The following UBE2W variants were observed in gnomAD, a reference collection of about 807,000 sequenced individuals.
UBE2W encodes the protein ubiquitin conjugating enzyme E2 W.
Under a neutral mutation model 27.2 loss-of-function variants are expected in UBE2W, and 18 were observed. The ratio of observed to expected loss-of-function variants is 0.66; its 90% CI spans 0.46 to 0.98. UBE2W has a LOEUF of 0.98. Among genes scored for constraint, UBE2W ranks in the 50% least tolerant of loss-of-function variants. The pLI is 0.00. For synonymous variants in UBE2W, 53 were observed against 57.2 expected (o/e 0.93, Z 0.33); for missense variants, 90 against 180.2 (o/e 0.50, Z 2.87).
chr8:73,813,083 CAAAAAAA>C (rs56094830), intron 3 of UBE2W, among the ~76,000 whole-genome samples: 10 of 43,462 alleles, frequency 2.3e-4, no homozygotes, highest in Admixed American at 1.4e-3. Context: ...GAAAGTGCCA[CAAAAAAA>C]AAAAAAAAAA....
At chr8:73,826,670 T>A (rs1459354418) in intron 2 of UBE2W, among the ~76,000 whole-genome samples, 1 of 152,140 alleles carries the variant, frequency 6.6e-6, no homozygotes, top group Non-Finnish European at 1.5e-5. Context: ...GAGACAATAT[T>A]TTATAGTGAA....
chr8:73,870,827 G>A (rs200901398), intron 1 of UBE2W, among the ~76,000 whole-genome samples: 2,578 of 97,896 alleles, frequency 0.026, no homozygotes, highest in Middle Eastern at 0.037. Context: ...TGAGTGAAAA[G>A]AAAAAAAAAA....
intron 1 of UBE2W, among the ~76,000 whole-genome samples, chr8:73,840,757 A>T (rs1408078812): frequency 6.6e-6 from 1 of 152,198 alleles, no homozygotes; most frequent in Non-Finnish European, 1.5e-5. Flanking sequence ...CTCAGGTATA[A>T]AATGCTGGCA....
intron 1 of UBE2W, among the ~76,000 whole-genome samples, chr8:73,875,294 T>C (rs1812175434): frequency 6.6e-6 from 1 of 152,128 alleles, no homozygotes; most frequent in South Asian, 2.1e-4. Flanking sequence ...GGGAGTTTCA[T>C]GAGGTGCTGC....
At chr8:73,812,621 A>G (rs1809196242) in intron 3 of UBE2W, among the ~76,000 whole-genome samples, 2 of 152,198 alleles carry the variant, frequency 1.3e-5, no homozygotes, top group African/African-American at 4.8e-5. Flanking sequence ...TGAGGTATTC[A>G]TTTTGCCATA....
chr8:73,784,115 T>A (rs923924950), downstream of UBE2W, among the ~76,000 whole-genome samples: 5 of 152,014 alleles, frequency 3.3e-5, no homozygotes, highest in African/African-American at 1.2e-4. Flanking sequence ...CATACCCGGG[T>A]CTTTGCAGTG....
intron 4 of UBE2W, among the ~76,000 whole-genome samples, chr8:73,806,689 G>A (rs575168581): frequency 4.9e-4 from 74 of 152,274 alleles, no homozygotes; most frequent in African/African-American, 1.4e-3. Context: ...TCCAGCCTGC[G>A]TGACAGAACC....
At chr8:73,833,399 T>A (rs532310114) in intron 1 of UBE2W, among the ~76,000 whole-genome samples, 182 of 151,942 alleles carry the variant, frequency 1.2e-3, no homozygotes, top group African/African-American at 3.9e-3. Context: ...TTTTAAAAAA[T>A]TTTAAAGTAA....
rs145025778 is a variant in UBE2W at position 73,792,875 on chromosome 8, T to G, written c.*1227A>C. 1.0e-6 allele frequency: 1 copy of G among 985,524 alleles called. No individual in the cohort carries two copies. The highest frequency in any genetic ancestry group is 1.2e-6 in the Non-Finnish European group (1 of 829,862). 61.0% of individuals were successfully genotyped at this position (985,524 alleles called of 1,614,324 possible). A position where few individuals can be genotyped will look rare whatever the true frequency, so the allele number is the denominator to read the frequency against. ...AAACAAAACCCTCCAGGAAAAACTA[T>G]ATGGCTGTGTGAGACAAATAAGCAA... On this transcript the variant is annotated 3_prime_UTR_variant, in exon 6 of 6. Transcript: ENST00000602593.
intron 1 of UBE2W, among the ~76,000 whole-genome samples, chr8:73,843,441 T>A (rs1440907333): frequency 3.9e-5 from 6 of 152,080 alleles, no homozygotes; most frequent in Non-Finnish European, 8.8e-5. Context: ...AATACCAACC[T>A]GGGCCACACA....
rs1810465276 is a variant in UBE2W, at chr8:73,839,747, GA to G, written c.16-9276del. On this transcript the variant is annotated intron_variant, in intron 1 of 5. Coordinates refer to ENST00000602593, the MANE Select transcript of UBE2W (RefSeq NM_018299.6). The stretch of plus-strand genomic sequence containing the variant: ...TTTGGTTTTTTTTTTTTTTTTTTTT[GA>G]AACAGAATCTTGCTCTGCCACCCAG... Among the ~76,000 whole-genome samples the G allele has an allele frequency of 1.6e-4, 8 of 49,070 alleles. No homozygotes were observed. In the South Asian group the frequency reaches 5.2e-3, roughly 32 times the overall value. 32.2% of individuals were successfully genotyped at this position (49,070 alleles called of 152,430 possible).
chr8:73,812,609 C>T (rs1247530591), intron 3 of UBE2W, among the ~76,000 whole-genome samples: 2 of 152,070 alleles, frequency 1.3e-5, no homozygotes. Flanking sequence ...GGACATCTAC[C>T]TTGAGGTATT....
intron 1 of UBE2W, among the ~76,000 whole-genome samples, chr8:73,873,708 T>G (rs1387265650): frequency 6.6e-6 from 1 of 152,208 alleles, no homozygotes; most frequent in African/African-American, 2.4e-5. Context: ...GCATTATTTC[T>G]AAGTCTGAAA....
intron 5 of UBE2W, among the ~76,000 whole-genome samples, chr8:73,794,672 C>T (rs564256557): frequency 6.6e-6 from 1 of 151,912 alleles, no homozygotes; most frequent in South Asian, 2.1e-4. Context: ...GAGGCCGAGG[C>T]GGGCGGATCA....
At position 73,790,659 on chromosome 8, in the gene UBE2W, A is replaced by AC; in HGVS notation, c.*3442dup. The AC allele has an allele frequency of 1.0e-6, 1 of 983,404 alleles. No homozygotes were observed. The highest frequency in any genetic ancestry group is 1.2e-6 in the Non-Finnish European group (1 of 828,084). The allele number at this position is 983,404 out of a possible 1,614,324, so 60.9% of individuals were successfully genotyped here. On this transcript the variant is annotated 3_prime_UTR_variant, in exon 6 of 6. Coordinates refer to ENST00000602593, the MANE Select transcript of UBE2W (RefSeq NM_018299.6). ...TAAAAAAATTTTTGTAACACACAGT[A>AC]CCTCCTCTTCTCTTCTATTTTTAGG...
chr8:73,857,614 G>A (rs1035803715), intron 1 of UBE2W, among the ~76,000 whole-genome samples: 13 of 151,854 alleles, frequency 8.6e-5, no homozygotes, highest in Admixed American at 8.5e-4. Flanking sequence ...TCAGGAGTTC[G>A]AGACCAGCCT....
Position 73,830,455 on chromosome 8 carries a change from T to C in UBE2W, c.33A>G (p.Glu11=). ...GTGGGTCATTTTGCAAAGCCAACAG[T>C]TCTTTCTGTAGTCGTTTCTAGAAAA... MASMQKRLQK[E]LLALQNDPPP... The change falls in exon 2 of 6, where the codon GAA becomes GAG. Residue 11 remains glutamate, a synonymous_variant. Transcript: ENST00000602593. The C allele has an allele frequency of 1.2e-6, 2 of 1,613,832 alleles. No individual in the cohort carries two copies. The highest frequency in any genetic ancestry group is 1.7e-6 in the Non-Finnish European group (2 of 1,179,762).
intron 1 of UBE2W, among the ~76,000 whole-genome samples, chr8:73,865,215 G>A (rs1021701674): frequency 7.8e-6 from 1 of 127,480 alleles, no homozygotes; most frequent in Non-Finnish European, 1.5e-5. Flanking sequence ...AAAGCACTGC[G>A]AGTATCAATT....
downstream of UBE2W, among the ~76,000 whole-genome samples, chr8:73,784,329 T>C (rs992141287): frequency 1.3e-5 from 2 of 152,164 alleles, no homozygotes; most frequent in Admixed American, 6.5e-5. Context: ...CCCTGCCTGA[T>C]CATAGTTCCT....
Sources: allele counts gnomAD v4.1 joint callset (sites outside exome capture counted in the v4.1 genomes callset), GRCh38; gene constraint gnomAD v4.1.1; transcripts MANE v1.5; gene names NCBI Gene and HGNC (gene_info 2026-07-23, HGNC 2026-07-21).